AGFG2: variants seen among roughly 807,000 people sequenced by gnomAD.
AGFG2 encodes ArfGAP with FG repeats 2.
Under a neutral mutation model 48.0 loss-of-function variants are expected in AGFG2, and 31 were observed. The observed-to-expected ratio is 0.65, with a 90% CI of 0.49 to 0.87. AGFG2 has a LOEUF of 0.87. Among genes scored for constraint, AGFG2 ranks in the 40% least tolerant of loss-of-function variants. The pLI is 0.00. For synonymous variants in AGFG2, 229 were observed against 260.8 expected (o/e 0.88, Z 1.18); for missense variants, 599 against 632.6 (o/e 0.95, Z 0.57).
intron 6 of AGFG2, among the ~76,000 whole-genome samples, chr7:100,560,721 G>A (rs1800848628): frequency 6.6e-6 from 1 of 151,790 alleles, no homozygotes; most frequent in Non-Finnish European, 1.5e-5. Flanking sequence ...TGGGCACTTC[G>A]TCTTCCCTAC....
At chr7:100,547,406 A>ATT (rs35296477) in intron 1 of AGFG2, among the ~76,000 whole-genome samples, 3 of 143,954 alleles carry the variant, frequency 2.1e-5, no homozygotes, top group African/African-American at 2.5e-5. Context: ...CGATTTGGCC[A>ATT]TTTTTTTTTT....
intron 3 of AGFG2, among the ~76,000 whole-genome samples, chr7:100,551,030 T>TTA (rs373297543): frequency 0.054 from 2,985 of 55,754 alleles, 185 homozygotes; most frequent in East Asian, 0.31. Context: ...CCTGGCTAAT[T>TTA]TATATATATA....
chr7:100,556,582 C>T, intron 6 of AGFG2: 4 of 1,289,178 alleles, frequency 3.1e-6, no homozygotes, highest in Non-Finnish European at 4.0e-6. Context: ...TCTTCTCCAC[C>T]CTCACTGCCA....
intron 3 of AGFG2, among the ~76,000 whole-genome samples, chr7:100,551,277 G>T (rs1331601540): frequency 1.3e-5 from 2 of 150,866 alleles, no homozygotes; most frequent in Non-Finnish European, 1.5e-5. Context: ...CACCGTGTTA[G>T]CCAGGATGGT....
At position 100,562,527 on chromosome 7, in the gene AGFG2, C is replaced by T. The variant is rs1288387850; in HGVS notation, c.999-67C>T. On this transcript the variant is annotated intron_variant, in intron 7 of 11. Coordinates refer to ENST00000300176, the MANE Select transcript of AGFG2 (RefSeq NM_006076.5). The surrounding 1 kb of genome is among the most constrained non-coding windows in gnomAD (Gnocchi z 5.4). ...CCCTGGAGAGCAGGGTTGGCATCTCCTGGCCCCTTGCTCAGGTTTGATTGG... is the reference window on the plus strand; with the variant it reads ...CCCTGGAGAGCAGGGTTGGCATCTCTTGGCCCCTTGCTCAGGTTTGATTGG... 2 of 1,610,582 alleles carry T rather than the reference C, an allele frequency of 1.2e-6. No homozygotes were observed. Among genetic ancestry groups the T allele is most frequent in the Non-Finnish European group, 1.7e-6 (2 of 1,178,262 alleles).
At chr7:100,553,625 C>G (rs973882147) in intron 4 of AGFG2, 125 bp downstream of exon 4, 4 of 1,156,660 alleles carry the variant, frequency 3.5e-6, no homozygotes, top group Non-Finnish European at 4.8e-6. Flanking sequence ...GGTCTCGGCT[C>G]TGCTGTTAAC....
intron 3 of AGFG2, 111 bp downstream of exon 3, chr7:100,550,622 C>T (rs1370255341): frequency 5.4e-6 from 4 of 738,246 alleles, no homozygotes; most frequent in East Asian, 2.7e-5. Flanking sequence ...AGACTTGGGT[C>T]GATTCTGTTC....
At chr7:100,547,677 C>T (rs1334028021) in intron 1 of AGFG2, among the ~76,000 whole-genome samples, 3 of 152,156 alleles carry the variant, frequency 2.0e-5, no homozygotes, top group Non-Finnish European at 4.4e-5. Context: ...ATAATCTCCA[C>T]AGGGTTCCTG....
intron 6 of AGFG2, among the ~76,000 whole-genome samples, chr7:100,560,639 G>A (rs1800845916): frequency 6.6e-6 from 1 of 152,158 alleles, no homozygotes; most frequent in African/African-American, 2.4e-5. Flanking sequence ...TGGCAAAGGA[G>A]AGCACTGTCT....
At chr7:100,550,169 T>G (rs1471257921) in intron 2 of AGFG2, among the ~76,000 whole-genome samples, 1 of 152,072 alleles carries the variant, frequency 6.6e-6, no homozygotes, top group Non-Finnish European at 1.5e-5. Context: ...TAGCTGGGCG[T>G]GGTGGCGCAT....
In AGFG2 at chr7:100,539,508, G is replaced by C; in HGVS notation, c.162G>C (p.Gly54=). 5 of 1,316,036 alleles carry C rather than the reference G, an allele frequency of 3.8e-6. No homozygotes were observed. Among genetic ancestry groups the C allele is most frequent in the Non-Finnish European group, 4.9e-6 (5 of 1,025,790 alleles). The allele number at this position is 1,316,036 out of a possible 1,614,324, so 81.5% of individuals were successfully genotyped here. The part of the protein sequence containing the change: ...NRHCFECAQR[G]VTYVDITVGS... Reference sequence around the variant, plus strand: ...ACTGCTTCGAGTGCGCCCAGCGCGGGGTCACCTACGTGGATATCACCGTGG... The same window carrying C: ...ACTGCTTCGAGTGCGCCCAGCGCGGCGTCACCTACGTGGATATCACCGTGG... Residue 54 remains glycine, a synonymous_variant, in exon 1 of 12, where the codon GGG becomes GGC. Coordinates refer to ENST00000300176, the MANE Select transcript of AGFG2 (RefSeq NM_006076.5).
rs1800983902 is a variant in AGFG2 at position 100,565,336 on chromosome 7, A to G, written c.*345A>G. The G allele has an allele frequency of 3.0e-6, 1 of 329,370 alleles. No homozygotes were observed. The highest frequency in any genetic ancestry group is 5.7e-6 in the Non-Finnish European group (1 of 174,600). The allele number at this position is 329,370 out of a possible 1,614,324, so 20.4% of individuals were successfully genotyped here. On this transcript the variant is annotated 3_prime_UTR_variant, in exon 12 of 12. Coordinates refer to ENST00000300176, the MANE Select transcript of AGFG2 (RefSeq NM_006076.5). ...CTCGCCAGCGCTGTGCTCCTCATGG[A>G]CGGGAGCGCAGTGGGGAAGGTAGGG...
chr7:100,551,067 T>TA (rs1562791931), intron 3 of AGFG2, among the ~76,000 whole-genome samples: 47 of 96,718 alleles, frequency 4.9e-4, no homozygotes, highest in East Asian at 1.5e-3. Context: ...TATATATATA[T>TA]TTCTTTTTTT....
intron 3 of AGFG2, 55 bp from the exon 4 acceptor site, chr7:100,553,292 A>G: frequency 1.3e-6 from 2 of 1,596,188 alleles, no homozygotes; most frequent in Non-Finnish European, 1.7e-6. Context: ...ATCTCAGCTG[A>G]GCGTGGTCCA....
chr7:100,550,509 A>T lies in AGFG2; in HGVS notation c.429A>T (p.Arg143Ser). The T allele has an allele frequency of 6.2e-7, 1 of 1,607,186 alleles. No homozygotes were observed. The highest frequency in any genetic ancestry group is 8.5e-7 in the Non-Finnish European group (1 of 1,173,852). The change falls in exon 3 of 12, where the codon AGA (arginine) becomes AGT (serine). Residue 143 changes from arginine to serine, a missense_variant and splice_region_variant. Arg to Ser is a moderately radical substitution (Grantham distance 110). Transcript: ENST00000300176. Reference sequence around the variant, plus strand: ...TCCAGGAAAAATATGAGAAGAAGAGATGGTAAGGAGTAGGAAAGAGGTTGC... The same window carrying T: ...TCCAGGAAAAATATGAGAAGAAGAGTTGGTAAGGAGTAGGAAAGAGGTTGC... Reference protein sequence around the residue: ...EFLQEKYEKKRWYVPPDQVKG... With the variant: ...EFLQEKYEKKSWYVPPDQVKG...
intron 3 of AGFG2, 25 bp downstream of exon 3, chr7:100,550,536 A>G (rs1800610149): frequency 1.3e-6 from 2 of 1,553,614 alleles, no homozygotes; most frequent in Non-Finnish European, 1.8e-6. Context: ...AGAGGTTGCT[A>G]TGGAAACGTG....
At chr7:100,540,726 C>A (rs1584377796) in intron 1 of AGFG2, among the ~76,000 whole-genome samples, 1 of 152,090 alleles carries the variant, frequency 6.6e-6, no homozygotes, top group East Asian at 1.9e-4. Flanking sequence ...TTAAAAAATG[C>A]TTTCCAGCCA....
chr7:100,553,436 C>G lies in AGFG2; in HGVS notation c.521C>G (p.Pro174Arg). The change falls in exon 4 of 12, where the codon CCC (proline) becomes CGC (arginine). Residue 174 changes from proline to arginine, a missense_variant. Coordinates refer to ENST00000300176, the MANE Select transcript of AGFG2 (RefSeq NM_006076.5). ...PVQGSIPEGKPLRTLLGDPAP... is the reference protein window; with the variant it reads ...PVQGSIPEGKRLRTLLGDPAP... ...CAGGGCTCCATCCCAGAAGGGAAGC[C>G]CCTTCGGACACTTCTGGGTGATCCT... 6.2e-7 allele frequency: 1 copy of G among 1,614,166 alleles called. No homozygotes were observed. The highest frequency in any genetic ancestry group is 8.5e-7 in the Non-Finnish European group (1 of 1,180,012).
In AGFG2 at chr7:100,562,363, G is replaced by C. The variant is rs143676973; in HGVS notation, c.982G>C (p.Ala328Pro). 711 of 1,613,670 alleles carry C rather than the reference G, an allele frequency of 4.4e-4. 3 individuals are homozygous for C. In the African/African-American group the frequency reaches 8.4e-3, roughly 19 times the overall value. Residue 328 changes from alanine (A) to proline (P), a missense_variant, in exon 7 of 12, where the codon GCA becomes CCA. Ala to Pro is a conservative substitution (Grantham distance 27). Coordinates refer to ENST00000300176, the MANE Select transcript of AGFG2 (RefSeq NM_006076.5). This position sits in a 1 kb window ranked among gnomAD's most constrained non-coding sequence, Gnocchi z 5.4. Reference sequence around the variant, plus strand: ...CTTCCTGGGACCCGGGGTGCCCGCTGCAGGTGTTCCTAGCAGGTAGGTACA... The same window carrying C: ...CTTCCTGGGACCCGGGGTGCCCGCTCCAGGTGTTCCTAGCAGGTAGGTACA... Reference protein sequence around the residue: ...GSFLGPGVPAAGVPSSLFGMA... With the variant: ...GSFLGPGVPAPGVPSSLFGMA...
Sources: allele counts gnomAD v4.1 joint callset (sites outside exome capture counted in the v4.1 genomes callset), GRCh38; gene constraint gnomAD v4.1.1; non-coding constraint Gnocchi (gnomAD v3.1); transcripts MANE v1.5; gene names NCBI Gene and HGNC (gene_info 2026-07-23, HGNC 2026-07-21).